Variants in MECOM observed in about 807,000 individuals in gnomAD.
The protein encoded by MECOM is MDS1 and EVI1 complex locus.
Under a neutral mutation model 116.3 loss-of-function variants are expected in MECOM, and 13 were observed. The observed-to-expected ratio is 0.11, with a 90% CI of 0.07 to 0.18. The LOEUF (loss-of-function observed/expected upper bound fraction) is 0.18. Among genes scored for constraint, MECOM ranks in the 10% least tolerant of loss-of-function variants. MECOM has a pLI of 1.00. For missense variants in MECOM, 1,299 were observed against 1,509.0 expected (o/e 0.86, Z 2.31); for synonymous variants, 528 against 535.2 (o/e 0.99, Z 0.19).
At chr3:169,408,466 A>G (rs915030672) in intron 1 of MECOM, among the ~76,000 whole-genome samples, 1 of 152,224 alleles carries the variant, frequency 6.6e-6, no homozygotes, top group Non-Finnish European at 1.5e-5. Flanking sequence ...GGGACCAGGA[A>G]TTAATATGCA....
At chr3:169,628,568 G>A (rs775497583) in intron 1 of MECOM, among the ~76,000 whole-genome samples, 1 of 152,168 alleles carries the variant, frequency 6.6e-6, no homozygotes, top group Non-Finnish European at 1.5e-5. Flanking sequence ...TCATGGTGTG[G>A]TGAGACACAC....
chr3:169,656,266 G>C (rs1167314380), intron 1 of MECOM, among the ~76,000 whole-genome samples: 1 of 152,162 alleles, frequency 6.6e-6, no homozygotes, highest in African/African-American at 2.4e-5. Context: ...TCTTTATGTT[G>C]TGTAGTTAAT....
chr3:169,472,547 G>GGAAAA (rs1167709538), intron 1 of MECOM, among the ~76,000 whole-genome samples: 4 of 63,440 alleles, frequency 6.3e-5, no homozygotes, highest in Non-Finnish European at 5.9e-5. Context: ...GGAAAGGAAA[G>GGAAAA]GAAAAGAAAA....
At chr3:169,606,995 C>G (rs9290369) in intron 1 of MECOM, among the ~76,000 whole-genome samples, 123,149 of 152,198 alleles carry the variant, frequency 0.81, 50,494 homozygotes, top group African/African-American at 0.94. Flanking sequence ...ATTAAAAGGA[C>G]AGAGAAGGGG....
chr3:169,292,940 T>G (rs1298523454), intron 2 of MECOM, among the ~76,000 whole-genome samples: 1 of 151,994 alleles, frequency 6.6e-6, no homozygotes, highest in Non-Finnish European at 1.5e-5. Context: ...TCACAAAAAT[T>G]AGGGCTCAGA....
At chr3:169,579,957 T>C (rs1464905349) in intron 1 of MECOM, among the ~76,000 whole-genome samples, 6 of 152,204 alleles carry the variant, frequency 3.9e-5, no homozygotes, top group African/African-American at 7.2e-5. Flanking sequence ...AGCCCAATTA[T>C]TAATTTGAAG....
intron 1 of MECOM, among the ~76,000 whole-genome samples, chr3:169,452,274 C>T (rs947664532): frequency 1.3e-5 from 2 of 151,968 alleles, no homozygotes; most frequent in African/African-American, 2.4e-5. Context: ...AGGAAACACA[C>T]GCCTTTCCCT....
intron 1 of MECOM, among the ~76,000 whole-genome samples, chr3:169,395,843 A>G (rs1346355202): frequency 6.6e-6 from 1 of 152,240 alleles, no homozygotes; most frequent in Non-Finnish European, 1.5e-5. Flanking sequence ...TCATGAGGAT[A>G]GGGACCCTGT....
chr3:169,319,110 A>G (rs1177979958), intron 2 of MECOM, among the ~76,000 whole-genome samples: 1 of 152,026 alleles, frequency 6.6e-6, no homozygotes, highest in Non-Finnish European at 1.5e-5. Flanking sequence ...AAAAAAAAAA[A>G]AAGACACATG....
intron 1 of MECOM, among the ~76,000 whole-genome samples, chr3:169,389,291 G>T (rs1013577850): frequency 3.3e-5 from 5 of 152,214 alleles, no homozygotes; most frequent in Admixed American, 6.5e-5. Flanking sequence ...TACCAGTAAA[G>T]CCATTTGGTA....
Position 169,085,015 on chromosome 3 carries a change from TCAGA to T in MECOM, c.3610_3613del (p.Ser1204ThrfsTer32), listed in dbSNP as rs764070754. The T allele has an allele frequency of 6.2e-7, 1 of 1,614,120 alleles. No homozygotes were observed. Among genetic ancestry groups the T allele is most frequent in the South Asian group, 1.1e-5 (1 of 91,080 alleles). ...GGATGTAGAATGGAGGGACTCCTTG[TCAGA>T]CAGTGACAGCATCATAGCATATGCC... On this transcript the variant is annotated frameshift_variant, in exon 17 of 17. Transcript: ENST00000651503. LOFTEE classifies it high-confidence loss of function.
Position 169,149,785 on chromosome 3 carries a change from CATT to C in MECOM, c.376-5956_376-5954del, listed in dbSNP as rs1218286714. 3 of 426,782 alleles carry C rather than the reference CATT, an allele frequency of 7.0e-6. No homozygotes were observed. In the East Asian group the frequency reaches 2.2e-4, roughly 31 times the overall value. 26.4% of individuals were successfully genotyped at this position (426,782 alleles called of 1,614,324 possible). On this transcript the variant is annotated intron_variant, in intron 2 of 16. Coordinates refer to ENST00000651503, the MANE Select transcript of MECOM (RefSeq NM_004991.4). ...AAGAATGGAGAATTCATTGCATCAT[CATT>C]ATTATTATATTAATATCATCATTAT...
rs10551909 is a variant in MECOM at position 169,332,005 on chromosome 3, TAAAAA to T, written c.375+49177_375+49181del. ...CTGTGGAAAATGTTTCTTTTTTATT[TAAAAA>T]AAAAAAAAAAAAAGGATTATTGAGG... On this transcript the variant is annotated intron_variant, in intron 2 of 16. Transcript: ENST00000651503. Among the ~76,000 whole-genome samples, 209 of 137,582 alleles carry T rather than the reference TAAAAA, an allele frequency of 1.5e-3. 1 individual carries two copies. The highest frequency in any genetic ancestry group is 5.2e-3 in the African/African-American group (198 of 38,314). The allele number at this position is 137,582 out of a possible 152,430, so 90.3% of individuals were successfully genotyped here.
chr3:169,575,030 C>T (rs1183524995), intron 1 of MECOM, among the ~76,000 whole-genome samples: 2 of 152,162 alleles, frequency 1.3e-5, no homozygotes, highest in South Asian at 2.1e-4. Flanking sequence ...GCTAAAAAAT[C>T]AAGGTCAAAA....
intron 2 of MECOM, among the ~76,000 whole-genome samples, chr3:169,166,181 T>C (rs545905507): frequency 6.6e-6 from 1 of 152,308 alleles, no homozygotes; most frequent in South Asian, 2.1e-4. Flanking sequence ...GAATGAAACA[T>C]AAAACTTTTC....
At chr3:169,133,804 C>CT (rs569291958) in intron 3 of MECOM, 197 of 619,242 alleles carry the variant, frequency 3.2e-4, no homozygotes, top group East Asian at 2.5e-3. Flanking sequence ...TGTGAGTTTG[C>CT]TTTTTTCCCC....
chr3:169,135,318 A>G (rs962094084), intron 3 of MECOM, among the ~76,000 whole-genome samples: 3 of 152,054 alleles, frequency 2.0e-5, no homozygotes, highest in African/African-American at 7.2e-5. Context: ...AAATTTTGTA[A>G]TGAATATACC....
chr3:169,242,185 C>A (rs558886188), intron 2 of MECOM, among the ~76,000 whole-genome samples: 3 of 152,078 alleles, frequency 2.0e-5, no homozygotes, highest in African/African-American at 4.8e-5. Context: ...ACGAGAGGAG[C>A]CTTCTTCTTT....
chr3:169,464,401 T>C (rs975683654), intron 1 of MECOM, among the ~76,000 whole-genome samples: 6 of 152,078 alleles, frequency 3.9e-5, no homozygotes, highest in African/African-American at 1.4e-4. Flanking sequence ...CAAAAGAAAA[T>C]CTCAAAACAC....
Sources: allele counts gnomAD v4.1 joint callset (sites outside exome capture counted in the v4.1 genomes callset), GRCh38; gene constraint gnomAD v4.1.1; transcripts MANE v1.5; gene names NCBI Gene and HGNC (gene_info 2026-07-23, HGNC 2026-07-21).